AKT3: variants seen among roughly 807,000 people sequenced by gnomAD.
AKT3 encodes the protein RAC-gamma serine/threonine-protein kinase.
Under a neutral mutation model 65.3 loss-of-function variants are expected in AKT3, and 15 were observed. The observed-to-expected ratio is 0.23, with a 90% CI of 0.15 to 0.35. The LOEUF is 0.35. AKT3 is among the 10% of genes least tolerant of loss of function. AKT3 has a pLI of 1.00. For missense variants in AKT3, 243 were observed against 576.5 expected (o/e 0.42, Z 5.92); for synonymous variants, 206 against 183.8 (o/e 1.12, Z -0.98).
intron 11 of AKT3, among the ~76,000 whole-genome samples, chr1:243,551,518 A>G (rs1673062822): frequency 6.6e-6 from 1 of 152,018 alleles, no homozygotes; most frequent in African/African-American, 2.4e-5. Context: ...CATTTCTCAG[A>G]TAGACTTAAA....
intron 3 of AKT3, among the ~76,000 whole-genome samples, chr1:243,669,823 A>G (rs1683047199): frequency 6.6e-6 from 1 of 152,234 alleles, no homozygotes; most frequent in Non-Finnish European, 1.5e-5. Flanking sequence ...AGAAAAGAAT[A>G]AAATACCTGT....
intron 2 of AKT3, among the ~76,000 whole-genome samples, chr1:243,764,102 T>A (rs1468245306): frequency 2.0e-5 from 3 of 152,122 alleles, no homozygotes; most frequent in Non-Finnish European, 4.4e-5. Flanking sequence ...TAAATTTTGG[T>A]AAAATTCCAA....
At chr1:243,587,640 T>C (rs1675907570) in intron 8 of AKT3, among the ~76,000 whole-genome samples, 2 of 151,976 alleles carry the variant, frequency 1.3e-5, no homozygotes, top group South Asian at 4.1e-4. Flanking sequence ...CATACATACA[T>C]ACATAAAAAT....
chr1:243,767,766 G>GATGATT (rs1344145007), intron 2 of AKT3, among the ~76,000 whole-genome samples: 2 of 152,110 alleles, frequency 1.3e-5, no homozygotes, highest in African/African-American at 4.8e-5. Flanking sequence ...TGAAGCTGGT[G>GATGATT]ATGATTACAT....
chr1:243,763,512 C>A (rs1340770303), intron 2 of AKT3, among the ~76,000 whole-genome samples: 1 of 152,032 alleles, frequency 6.6e-6, no homozygotes, highest in African/African-American at 2.4e-5. Flanking sequence ...CTGTTTATCA[C>A]TACTGGCTTA....
chr1:243,713,360 CTAAT>C (rs1406708096), intron 2 of AKT3, among the ~76,000 whole-genome samples: 2 of 152,088 alleles, frequency 1.3e-5, no homozygotes, highest in African/African-American at 2.4e-5. Context: ...AACCCCTAAA[CTAAT>C]TAACGAAATA....
chr1:243,523,301 A>ACACACG (rs1025588774), intron 12 of AKT3, among the ~76,000 whole-genome samples: 47 of 150,616 alleles, frequency 3.1e-4, no homozygotes, highest in Non-Finnish European at 7.4e-5. Flanking sequence ...ACACACACAC[A>ACACACG]CACACACCTT....
Position 243,819,046 on chromosome 1 carries a change from C to T in AKT3, c.46+24079G>A, listed in dbSNP as rs908444036. 2.0e-5 allele frequency among the ~76,000 whole-genome samples: 3 copies of T among 152,248 alleles called. No individual in the cohort carries two copies. In the East Asian group the frequency reaches 5.8e-4, roughly 29 times the overall value. ...CAGGTCAGGATATCACCCTCATGAG[C>T]CGATGCCACCAGGGCCTTGCGTGCC... is the stretch of plus-strand genomic sequence containing the variant. On this transcript the variant is annotated intron_variant, in intron 2 of 13. Transcript: ENST00000673466.
At chr1:243,606,072 C>A (rs551195182) in intron 8 of AKT3, among the ~76,000 whole-genome samples, 1 of 152,310 alleles carries the variant, frequency 6.6e-6, no homozygotes, top group South Asian at 2.1e-4. Context: ...AAGGTCTCCC[C>A]AGCCCTGCAG....
At chr1:243,721,095 G>T (rs143421905) in intron 2 of AKT3, among the ~76,000 whole-genome samples, 6 of 152,108 alleles carry the variant, frequency 3.9e-5, no homozygotes, top group Admixed American at 1.3e-4. Flanking sequence ...CACCAAAGCA[G>T]ATAATAAAGA....
intron 10 of AKT3, among the ~76,000 whole-genome samples, chr1:243,559,430 C>T (rs1673620845): frequency 1.3e-5 from 2 of 152,072 alleles, no homozygotes; most frequent in Admixed American, 1.3e-4. Flanking sequence ...GATAAGAGAA[C>T]AAATACCTTA....
chr1:243,765,236 A>C (rs1689743365), intron 2 of AKT3, among the ~76,000 whole-genome samples: 1 of 152,136 alleles, frequency 6.6e-6, no homozygotes. Flanking sequence ...AGGACTTGTT[A>C]ATTTTAAAAG....
intron 2 of AKT3, among the ~76,000 whole-genome samples, chr1:243,802,988 A>C (rs1469977727): frequency 6.6e-6 from 1 of 152,062 alleles, no homozygotes; most frequent in Admixed American, 6.6e-5. Flanking sequence ...ATCTCTACAA[A>C]AAAATTAAAA....
At chr1:243,574,323 AG>A (rs1289211619) in intron 8 of AKT3, among the ~76,000 whole-genome samples, 1 of 151,418 alleles carries the variant, frequency 6.6e-6, no homozygotes, top group African/African-American at 2.4e-5. Context: ...TAGTAAACAG[AG>A]AGAGAGAGAA....
chr1:243,558,000 C>T (rs562437948), intron 10 of AKT3, among the ~76,000 whole-genome samples: 1 of 152,010 alleles, frequency 6.6e-6, no homozygotes. Context: ...CAGAATGTAA[C>T]TACATGTGCT....
At chr1:243,498,088 C>T (rs1204383746), downstream of AKT3, among the ~76,000 whole-genome samples, 3 of 152,192 alleles carry the variant, frequency 2.0e-5, no homozygotes, top group Non-Finnish European at 4.4e-5. Context: ...GCGAGGCCAC[C>T]AGGCCACCTG....
intron 12 of AKT3, among the ~76,000 whole-genome samples, chr1:243,534,329 A>C (rs1045992613): frequency 6.6e-6 from 1 of 152,220 alleles, no homozygotes; most frequent in Non-Finnish European, 1.5e-5. Flanking sequence ...CCAAGAAAAC[A>C]TAACAGTCCT....
chr1:243,688,170 C>T (rs1393983128), intron 3 of AKT3, among the ~76,000 whole-genome samples: 1 of 151,594 alleles, frequency 6.6e-6, no homozygotes, highest in Admixed American at 6.6e-5. Flanking sequence ...AAAAAGAAAG[C>T]ACCAAATCTT....
intron 12 of AKT3, among the ~76,000 whole-genome samples, chr1:243,528,003 A>C (rs1366097657): frequency 3.3e-5 from 5 of 151,964 alleles, no homozygotes; most frequent in Non-Finnish European, 1.5e-5. Flanking sequence ...TTCTGCCTAA[A>C]TACCATAACT....
Sources: gnomAD v4.1 joint callset for allele counts (sites outside exome capture counted in the v4.1 genomes callset) on GRCh38, gnomAD v4.1.1 for gene constraint, MANE v1.5 for transcripts, NCBI Gene and HGNC (gene_info 2026-07-23, HGNC 2026-07-21) for gene names.